RAD54L: variants seen among roughly 807,000 people sequenced by gnomAD.
The protein encoded by RAD54L is RAD54 like, also known as DNA repair and recombination protein RAD54-like.
In RAD54L, 74 loss-of-function variants were observed where a neutral mutation model predicts 91.6. That is an observed-to-expected ratio of 0.81 (90% CI 0.67 to 0.98). The LOEUF (loss-of-function observed/expected upper bound fraction) is 0.98. Ranked by LOEUF, RAD54L falls within the 50% of genes least tolerant of loss-of-function variation. The pLI is 0.00. For synonymous variants in RAD54L, 304 were observed against 349.7 expected, an observed-to-expected ratio of 0.87 and a Z score of 1.46; for missense variants, 887 against 945.7, an observed-to-expected ratio of 0.94 and a Z score of 0.81.
In RAD54L at chr1:46,270,660, G is replaced by T. The variant is rs1271670132; in HGVS notation, c.1044G>T (p.Gly348=). 1.2e-6 allele frequency: 2 copies of T among 1,612,212 alleles called. No individual in the cohort carries two copies. Among genetic ancestry groups the T allele is most frequent in the Non-Finnish European group, 1.7e-6 (2 of 1,179,994 alleles). The change falls in exon 10 of 18, where the codon GGG becomes GGT. Residue 348 remains glycine, a splice_region_variant and synonymous_variant. Transcript: ENST00000371975. ...LVHFVNSGIL[G]TAHEFKKHFE... ...GTTTTCCTTCTCTCCTGTGTTTAGG[G>T]ACTGCCCATGAATTCAAGAAGCATT...
intron 2 of RAD54L, 21 bp downstream of exon 2, chr1:46,248,619 G>T (rs754960014): frequency 1.2e-6 from 2 of 1,610,452 alleles, no homozygotes; most frequent in Non-Finnish European, 1.7e-6. Flanking sequence ...AAGGGGACAG[G>T]GAAGGTGGGT....
chr1:46,267,184 C>T (rs1319100186), intron 8 of RAD54L, among the ~76,000 whole-genome samples: 1 of 152,176 alleles, frequency 6.6e-6, no homozygotes, highest in African/African-American at 2.4e-5. Flanking sequence ...CCATCTCAGC[C>T]TCCCAAGTAG....
chr1:46,252,050 G>A (rs1370258644), intron 3 of RAD54L, among the ~76,000 whole-genome samples: 2 of 152,242 alleles, frequency 1.3e-5, no homozygotes, highest in East Asian at 3.8e-4. Context: ...TGGGTCTGGA[G>A]ATTGGGGAAG....
At chr1:46,262,093 G>C (rs1044720239) in intron 8 of RAD54L, among the ~76,000 whole-genome samples, 3 of 151,470 alleles carry the variant, frequency 2.0e-5, no homozygotes, top group African/African-American at 7.3e-5. Flanking sequence ...CTCCATCCTG[G>C]GTGATGGGGT....
intron 9 of RAD54L, among the ~76,000 whole-genome samples, chr1:46,269,720 A>C (rs1660367954): frequency 1.3e-5 from 2 of 152,200 alleles, no homozygotes; most frequent in African/African-American, 4.8e-5. Context: ...GAAACAGATA[A>C]ATTCTGAAAG....
intron 16 of RAD54L, 89 bp from the exon 17 acceptor site, chr1:46,277,728 T>C: frequency 7.0e-7 from 1 of 1,419,512 alleles, no homozygotes; most frequent in South Asian, 1.2e-5. Context: ...CGGGTAGCTG[T>C]AGTTTCAACC....
Position 46,273,448 on chromosome 1 carries a change from T to C in RAD54L, c.1469T>C (p.Leu490Pro), listed in dbSNP as rs1660493666. ...LFPPGYSSKA[L>P]EPQLSGKMLV... ...CCTCCTGGTTACAGCTCTAAGGCCC[T>C]GGAGCCCCAGCTGTCAGGTGACCCT... Residue 490 changes from leucine to proline, a missense_variant, in exon 13 of 18, where the codon CTG becomes CCG. Physicochemically the swap from Leu to Pro is moderately conservative, Grantham distance 98. Transcript: ENST00000371975. 3 of 1,613,622 alleles carry C rather than the reference T, an allele frequency of 1.9e-6. No homozygotes were observed. The highest frequency in any genetic ancestry group is 2.5e-6 in the Non-Finnish European group (3 of 1,179,692).
chr1:46,275,215 C>T (rs1660558406), intron 16 of RAD54L, among the ~76,000 whole-genome samples: 1 of 152,210 alleles, frequency 6.6e-6, no homozygotes, highest in Non-Finnish European at 1.5e-5. Context: ...ATCCAGCAAT[C>T]ATACTGGCTG....
Position 46,270,927 on chromosome 1 carries a change from A to G in RAD54L, c.1169+142A>G, listed in dbSNP as rs1010489893. On this transcript the variant is annotated intron_variant, in intron 10 of 17. Coordinates refer to ENST00000371975, the MANE Select transcript of RAD54L (RefSeq NM_003579.4). ...TCTGTGTCCTAACTATGGCCACTGA[A>G]TAAACAAGGGAGTCTTGGAGGTGAA... The G allele has an allele frequency of 7.0e-6, 8 of 1,145,016 alleles. No homozygotes were observed. In the African/African-American group the frequency reaches 1.1e-4, roughly 15 times the overall value. The allele number at this position is 1,145,016 out of a possible 1,614,324, so 70.9% of individuals were successfully genotyped here. A position where few individuals can be genotyped will look rare whatever the true frequency, so the allele number is the denominator to read the frequency against.
Position 46,265,115 on chromosome 1 carries a change from C to G in RAD54L, c.892-2344C>G, listed in dbSNP as rs1161093293. On this transcript the variant is annotated intron_variant, in intron 8 of 17. Transcript: ENST00000371975. This position sits in a 1 kb window ranked among gnomAD's most constrained non-coding sequence, Gnocchi z 4.8. ...TTCCTCTGACTTTCAAGTCTCATTT[C>G]CCTCTTCAGTTCAGAAGTCTAAGGC... Among the ~76,000 whole-genome samples, 2 of 152,168 alleles carry G rather than the reference C, an allele frequency of 1.3e-5. No individual in the cohort carries two copies. Among genetic ancestry groups the G allele is most frequent in the African/African-American group, 4.8e-5 (2 of 41,438 alleles).
intron 14 of RAD54L, 60 bp from the exon 15 acceptor site, chr1:46,274,078 A>G (rs1660518098): frequency 6.6e-7 from 1 of 1,508,498 alleles, no homozygotes; most frequent in Non-Finnish European, 9.2e-7. Context: ...TTTTATTTTT[A>G]ATTTTTTTTC....
At position 46,264,168 on chromosome 1, in the gene RAD54L, A is replaced by AG. The variant is rs567414673; in HGVS notation, c.891+2786dup. On this transcript the variant is annotated intron_variant, in intron 8 of 17. Transcript: ENST00000371975. The stretch of plus-strand genomic sequence containing the variant: ...ATGAGCTGACTCTGTGCAGGGCACA[A>AG]GGGATGAGGCTGCCTCTTATCACAC... 2.0e-5 allele frequency among the ~76,000 whole-genome samples: 3 copies of AG among 152,324 alleles called. No homozygotes were observed. In the South Asian group the frequency reaches 6.2e-4, roughly 32 times the overall value.
At chr1:46,249,007 G>A (rs1659730079) in intron 2 of RAD54L, among the ~76,000 whole-genome samples, 1 of 152,200 alleles carries the variant, frequency 6.6e-6, no homozygotes. Context: ...CTGACAGGTT[G>A]TGTCCTTCCA....
intron 16 of RAD54L, among the ~76,000 whole-genome samples, 171 bp downstream of exon 16, chr1:46,274,888 CA>C (rs928967262): frequency 5.3e-5 from 8 of 152,146 alleles, no homozygotes; most frequent in Admixed American, 6.5e-5. Flanking sequence ...CTCTCCACCC[CA>C]TTCCCTCAAA....
intron 3 of RAD54L, among the ~76,000 whole-genome samples, chr1:46,255,484 G>A (rs1436113479): frequency 1.4e-5 from 2 of 147,374 alleles, no homozygotes; most frequent in African/African-American, 2.5e-5. Context: ...CCTGAAGGTT[G>A]GCCATTCCTT....
intron 3 of RAD54L, among the ~76,000 whole-genome samples, chr1:46,251,043 T>A (rs887686539): frequency 4.6e-5 from 7 of 151,308 alleles, no homozygotes; most frequent in Non-Finnish European, 1.0e-4. Flanking sequence ...GCGCAGTGGC[T>A]CACGCCTGTA....
intron 9 of RAD54L, among the ~76,000 whole-genome samples, chr1:46,269,832 G>A (rs775894543): frequency 2.3e-4 from 35 of 152,114 alleles, no homozygotes; most frequent in Non-Finnish European, 4.0e-4. Flanking sequence ...GCCAGGTGTG[G>A]TGGCTCACAA....
Position 46,260,608 on chromosome 1 carries a change from A to G in RAD54L, c.474A>G (p.Arg158=). 5 of 1,613,890 alleles carry G rather than the reference A, an allele frequency of 3.1e-6. No individual in the cohort carries two copies. The highest frequency in any genetic ancestry group is 4.2e-6 in the Non-Finnish European group (5 of 1,179,838). Residue 158 remains arginine (R), a synonymous_variant, in exon 6 of 18, where the codon AGA becomes AGG. Coordinates refer to ENST00000371975, the MANE Select transcript of RAD54L (RefSeq NM_003579.4). ...ILSKVLRPHQ[R]EGVKFLWECV... ...GTAAGGTTTTGCGGCCTCATCAGAGAGAGGTAAATGAGGGTGAGGGGAACG... is the reference window on the plus strand; with the variant it reads ...GTAAGGTTTTGCGGCCTCATCAGAGGGAGGTAAATGAGGGTGAGGGGAACG...
At position 46,273,436 on chromosome 1, in the gene RAD54L, G is replaced by A. The variant is rs1355367346; in HGVS notation, c.1457G>A (p.Ser486Asn). The A allele has an allele frequency of 6.2e-7, 1 of 1,613,954 alleles. No homozygotes were observed. Among genetic ancestry groups the A allele is most frequent in the African/African-American group, 1.3e-5 (1 of 75,044 alleles). ...GALDLFPPGY[S>N]SKALEPQLSG... ...TTGGACCTCTTCCCTCCTGGTTACA[G>A]CTCTAAGGCCCTGGAGCCCCAGCTG... The change falls in exon 13 of 18, where the codon AGC (serine) becomes AAC (asparagine). Residue 486 changes from serine to asparagine, a missense_variant. By Grantham distance (46) the Ser-to-Asn change is conservative. Coordinates refer to ENST00000371975, the MANE Select transcript of RAD54L (RefSeq NM_003579.4).
Sources: allele counts gnomAD v4.1 joint callset (sites outside exome capture counted in the v4.1 genomes callset), GRCh38; gene constraint gnomAD v4.1.1; non-coding constraint Gnocchi (gnomAD v3.1); transcripts MANE v1.5; gene names NCBI Gene and HGNC (gene_info 2026-07-23, HGNC 2026-07-21).